SLAIN2: variants seen among roughly 807,000 people sequenced by gnomAD.
SLAIN2 encodes the protein SLAIN family member 2.
A neutral mutation model predicts 56.6 loss-of-function variants in SLAIN2; 31 were observed. That is an observed-to-expected ratio of 0.55 (90% CI 0.41 to 0.74). The LOEUF (loss-of-function observed/expected upper bound fraction) is 0.74, where lower values mean the gene tolerates loss of function less well. Ranked by LOEUF, SLAIN2 falls within the 30% of genes least tolerant of loss-of-function variation. The pLI is 0.00. For synonymous variants in SLAIN2, 317 were observed against 284.9 expected (o/e 1.11, Z -1.13); for missense variants, 777 against 754.2 (o/e 1.03, Z -0.35).
At position 48,382,945 on chromosome 4, in the gene SLAIN2, A is replaced by G; in HGVS notation, c.1222+18A>G. 6.4e-7 allele frequency: 1 copy of G among 1,567,956 alleles called. No individual in the cohort carries two copies. The highest frequency in any genetic ancestry group is 8.7e-7 in the Non-Finnish European group (1 of 1,154,506). On this transcript the variant is annotated intron_variant, in intron 5 of 7. Transcript: ENST00000264313. ...AAATGAAGGTAAAATAGCAGATTTT[A>G]CTAATAATTAGACAGTTTCTGCTAG...
chr4:48,421,061 G>A (rs1279018155), intron 7 of SLAIN2, among the ~76,000 whole-genome samples: 1 of 152,034 alleles, frequency 6.6e-6, no homozygotes, highest in East Asian at 1.9e-4. Flanking sequence ...TGTCTCCCAG[G>A]CTGGAGTGCG....
intron 6 of SLAIN2, among the ~76,000 whole-genome samples, chr4:48,396,849 C>T (rs1057075602): frequency 1.3e-5 from 2 of 152,264 alleles, no homozygotes. Flanking sequence ...TTAGTAGTAG[C>T]AGGTGTTTGA....
At chr4:48,368,552 C>A (rs1715586333) in intron 1 of SLAIN2, among the ~76,000 whole-genome samples, 1 of 152,114 alleles carries the variant, frequency 6.6e-6, no homozygotes, top group East Asian at 1.9e-4. Flanking sequence ...GTTTACCTTG[C>A]TAAACATTTG....
chr4:48,377,001 C>G (rs528161683), intron 2 of SLAIN2, among the ~76,000 whole-genome samples: 2 of 147,624 alleles, frequency 1.4e-5, no homozygotes, highest in South Asian at 4.3e-4. Context: ...AAAAAAAAAT[C>G]CAAACTTTGA....
chr4:48,394,647 A>G (rs988173815), intron 6 of SLAIN2: 5 of 1,535,738 alleles, frequency 3.3e-6, no homozygotes, highest in African/African-American at 2.7e-5. Context: ...TTCATCTACA[A>G]AAAGAGGTAA....
At chr4:48,352,677 A>G (rs1715043193) in intron 1 of SLAIN2, among the ~76,000 whole-genome samples, 1 of 152,216 alleles carries the variant, frequency 6.6e-6, no homozygotes, top group South Asian at 2.1e-4. Flanking sequence ...CATTGCCTTA[A>G]AGGATACTTA....
At chr4:48,366,746 C>T (rs1715531500) in intron 1 of SLAIN2, among the ~76,000 whole-genome samples, 1 of 152,100 alleles carries the variant, frequency 6.6e-6, no homozygotes, top group Non-Finnish European at 1.5e-5. Context: ...CTTGTTTTGC[C>T]ACGTTGGAGG....
Position 48,422,112 on chromosome 4 carries a change from C to CATGG in SLAIN2, c.*38_*41dup. 2 of 1,561,366 alleles carry CATGG rather than the reference C, an allele frequency of 1.3e-6. No homozygotes were observed. The highest frequency in any genetic ancestry group is 1.8e-6 in the Non-Finnish European group (2 of 1,139,086). On this transcript the variant is annotated 3_prime_UTR_variant, in exon 8 of 8. Transcript: ENST00000264313. ...ACAAGAATGCAGAAGTCCACGGCTT[C>CATGG]ATGGATACCCTTCACCAGGCTAAAA...
chr4:48,394,889 TTTTTC>T (rs1716337800), intron 6 of SLAIN2, among the ~76,000 whole-genome samples: 1 of 152,226 alleles, frequency 6.6e-6, no homozygotes, highest in African/African-American at 2.4e-5. Context: ...AGAGAATATA[TTTTTC>T]TTACCCACTT....
At position 48,369,938 on chromosome 4, in the gene SLAIN2, G is replaced by A; in HGVS notation, c.479G>A (p.Ser160Asn). ...VWCRQVLDYP[S>N]PDVECAKKSL... ...TGCAGGCAAGTTTTGGATTACCCAAGTCCTGATGTTGAGTGTGCTAAAAAA... is the reference window on the plus strand; with the variant it reads ...TGCAGGCAAGTTTTGGATTACCCAAATCCTGATGTTGAGTGTGCTAAAAAA... Residue 160 changes from serine to asparagine, a missense_variant, in exon 2 of 8, where the codon AGT (serine) becomes AAT (asparagine). Physicochemically the swap from Ser to Asn is conservative, Grantham distance 46. Transcript: ENST00000264313. 6.2e-7 allele frequency: 1 copy of A among 1,613,726 alleles called. No homozygotes were observed. Among genetic ancestry groups the A allele is most frequent in the Non-Finnish European group, 8.5e-7 (1 of 1,179,718 alleles).
chr4:48,345,964 C>T (rs1714852714), intron 1 of SLAIN2, among the ~76,000 whole-genome samples: 1 of 142,668 alleles, frequency 7.0e-6, no homozygotes, highest in African/African-American at 2.5e-5. Context: ...ATCGTCAGGC[C>T]CATATAACAT....
At chr4:48,414,736 GT>G in intron 6 of SLAIN2, among the ~76,000 whole-genome samples, 1 of 103,630 alleles carries the variant, frequency 9.6e-6, no homozygotes, top group Non-Finnish European at 1.9e-5. Context: ...AGTCCCCAGA[GT>G]GTGATATTCC....
intron 1 of SLAIN2, among the ~76,000 whole-genome samples, chr4:48,362,732 C>CTTTTTTTTTTTTTTTATTTTT (rs397716685): frequency 8.6e-6 from 1 of 116,384 alleles, no homozygotes; most frequent in African/African-American, 3.3e-5. Context: ...TTTTAAATTT[C>CTTTTTTTTTTTTTTTATTTTT]TTTTTTTTTT....
At chr4:48,351,293 A>G (rs1715003658) in intron 1 of SLAIN2, among the ~76,000 whole-genome samples, 1 of 152,244 alleles carries the variant, frequency 6.6e-6, no homozygotes, top group Non-Finnish European at 1.5e-5. Context: ...CCTAATCGGT[A>G]CTATATTCTA....
At chr4:48,400,216 C>T (rs1716510678) in intron 6 of SLAIN2, among the ~76,000 whole-genome samples, 1 of 152,012 alleles carries the variant, frequency 6.6e-6, no homozygotes, top group Non-Finnish European at 1.5e-5. Flanking sequence ...TCAGTTTCTT[C>T]CTGGTTCAGT....
chr4:48,385,218 C>CT (rs2109764909), intron 6 of SLAIN2, among the ~76,000 whole-genome samples: 1 of 152,248 alleles, frequency 6.6e-6, no homozygotes, highest in African/African-American at 2.4e-5. Context: ...CAAAAAATTA[C>CT]TTTTTAGCTA....
At position 48,371,253 on chromosome 4, in the gene SLAIN2, T is replaced by G. The variant is rs188685761; in HGVS notation, c.538+1256T>G. ...ACTCCTGGCTAATTTTTGTATTTTT[T>G]GTAGAGATGGGATTTTACCGTGTTA... On this transcript the variant is annotated intron_variant, in intron 2 of 7. Coordinates refer to ENST00000264313, the MANE Select transcript of SLAIN2 (RefSeq NM_020846.2). Among the ~76,000 whole-genome samples, 512 of 152,036 alleles carry G rather than the reference T, an allele frequency of 3.4e-3. 2 individuals carry two copies. The highest frequency in any genetic ancestry group is 0.014 in the Middle Eastern group (4 of 294).
At chr4:48,350,124 C>T (rs796444644) in intron 1 of SLAIN2, among the ~76,000 whole-genome samples, 29 of 152,320 alleles carry the variant, frequency 1.9e-4, no homozygotes, top group African/African-American at 6.5e-4. Context: ...AGTCTGTTTT[C>T]ATGAAAAACA....
At position 48,422,041 on chromosome 4, in the gene SLAIN2, C is replaced by T. The variant is rs17609614; in HGVS notation, c.1710C>T (p.Ser570=). 0.029 allele frequency: 46,767 copies of T among 1,610,034 alleles called. 729 individuals carry two copies. The highest frequency in any genetic ancestry group is 0.056 in the Admixed American group (3,319 of 59,508). ...RSLPAPKTYG[S]MKDDSWKDGC... ...TGCCAGCTCCTAAAACCTATGGTAGCATGAAAGATGACAGTTGGAAAGATG... is the reference window on the plus strand; with the variant it reads ...TGCCAGCTCCTAAAACCTATGGTAGTATGAAAGATGACAGTTGGAAAGATG... Residue 570 remains serine, a synonymous_variant, in exon 8 of 8, where the codon AGC becomes AGT. Transcript: ENST00000264313.
Sources: allele counts gnomAD v4.1 joint callset (sites outside exome capture counted in the v4.1 genomes callset), GRCh38; gene constraint gnomAD v4.1.1; transcripts MANE v1.5; gene names NCBI Gene and HGNC (gene_info 2026-07-23, HGNC 2026-07-21).